The following NLGN4X variants were observed in gnomAD, a reference collection of about 807,000 sequenced individuals.
NLGN4X encodes the protein neuroligin-4, X-linked.
NLGN4X carries 3 observed loss-of-function variants against 40.3 expected under a neutral mutation model. The ratio of observed to expected loss-of-function variants is 0.07; its 90% CI spans 0.03 to 0.19. The LOEUF is 0.19. NLGN4X is among the 10% of genes least tolerant of loss of function. The probability of loss-of-function intolerance (pLI) is 1.00; values close to 1 mark genes in which losing one functional copy is unlikely to be tolerated. For synonymous variants in NLGN4X, 270 were observed against 306.8 expected, an observed-to-expected ratio of 0.88 and a Z score of 1.25; for missense variants, 382 against 708.3, an observed-to-expected ratio of 0.54 and a Z score of 5.23.
chrX:5,911,378 CAG>C (rs778251663), intron 3 of NLGN4X, among the ~76,000 whole-genome samples: 3 of 112,061 alleles, frequency 2.7e-5, no homozygotes, highest in East Asian at 2.8e-4. Context: ...CTAGCAAAAT[CAG>C]AGTGTTTTAA....
chrX:5,953,119 G>A (rs1451796201), intron 3 of NLGN4X, among the ~76,000 whole-genome samples: 4 of 111,033 alleles, frequency 3.6e-5, no homozygotes, highest in Non-Finnish European at 5.7e-5. Flanking sequence ...ACCTGTAATC[G>A]TTGCACTGTG....
chrX:6,036,244 G>T (rs1466416753), intron 2 of NLGN4X, among the ~76,000 whole-genome samples: 1 of 111,177 alleles, frequency 9.0e-6, no homozygotes, highest in Non-Finnish European at 1.9e-5. Context: ...GCCTTTCCAT[G>T]AAACTTTCCA....
intron 2 of NLGN4X, among the ~76,000 whole-genome samples, chrX:6,097,241 T>C (rs1448628335): frequency 8.5e-5 from 6 of 70,216 alleles, no homozygotes; most frequent in African/African-American, 2.7e-4. Context: ...CTTGGCTTTT[T>C]TTTTTTTTTC....
At chrX:5,991,557 G>T in intron 3 of NLGN4X, 1 of 498,994 alleles carries the variant, frequency 2.0e-6, no homozygotes, top group South Asian at 2.6e-5. Flanking sequence ...GTGAGGGCCT[G>T]ACATTCTCTT....
chrX:6,187,386 T>G (rs1301289475), intron 1 of NLGN4X: 1 of 106,270 alleles, frequency 9.4e-6, no homozygotes, highest in Non-Finnish European at 1.9e-5. Flanking sequence ...GGCCAGGGAA[T>G]GGCGTGAACC....
chrX:5,891,434 G>T lies in NLGN4X; in HGVS notation c.*1383C>A, dbSNP rs902345822. The T allele has an allele frequency of 4.2e-6, 1 of 240,215 alleles. No homozygotes were observed. The highest frequency in any genetic ancestry group is 7.6e-6 in the Non-Finnish European group (1 of 131,786). The allele number at this position is 240,215 out of a possible 1,213,427, so 19.8% of individuals were successfully genotyped here. A position where few individuals can be genotyped will look rare whatever the true frequency, so the allele number is the denominator to read the frequency against. On this transcript the variant is annotated 3_prime_UTR_variant, in exon 6 of 6. Coordinates refer to ENST00000381095, the MANE Select transcript of NLGN4X (RefSeq NM_181332.3). ...AAAGATTTTTAAAAACCTGCTTACT[G>T]ATAAATAAGGGACCGAGTGCTTAAA... is the stretch of plus-strand genomic sequence containing the variant.
intron 2 of NLGN4X, among the ~76,000 whole-genome samples, chrX:6,042,728 T>TACAC (rs202030040): frequency 0.019 from 541 of 29,206 alleles, 4 homozygotes; most frequent in African/African-American, 0.028. Flanking sequence ...TATATATATA[T>TACAC]ATACACACAC....
At chrX:6,182,921 T>G (rs761879522) in intron 1 of NLGN4X, among the ~76,000 whole-genome samples, 6 of 112,202 alleles carry the variant, frequency 5.3e-5, no homozygotes, top group Non-Finnish European at 1.1e-4. Context: ...TGTGATTATG[T>G]GTTACAGCTG....
intron 3 of NLGN4X, among the ~76,000 whole-genome samples, chrX:5,967,481 AGAGACCTCTTATAAAATCCT>A (rs1278079248): frequency 9.0e-6 from 1 of 110,776 alleles, no homozygotes; most frequent in African/African-American, 3.3e-5. Context: ...GCAGCACATG[AGAGACCTCTTATAAAATCCT>A]GAGACCACAA....
chrX:6,171,677 A>G (rs1569279719), intron 1 of NLGN4X, among the ~76,000 whole-genome samples: 1 of 109,277 alleles, frequency 9.2e-6, no homozygotes, highest in East Asian at 3.0e-4. Flanking sequence ...TAGAATTGTG[A>G]AAGTTTCTAT....
intron 3 of NLGN4X, among the ~76,000 whole-genome samples, chrX:5,992,611 AAAAAG>A (rs1256044089): frequency 7.2e-5 from 8 of 111,469 alleles, no homozygotes; most frequent in African/African-American, 2.3e-4. Context: ...TAGAAAAATA[AAAAAG>A]AAAAGAAAAG....
intron 3 of NLGN4X, among the ~76,000 whole-genome samples, chrX:6,021,004 C>CTTTCTT (rs796849645): frequency 3.3e-4 from 6 of 18,229 alleles, no homozygotes; most frequent in Admixed American, 8.8e-4. Context: ...TCCTTCTTTT[C>CTTTCTT]TCTCTCTCTC....
chrX:6,080,565 C>T (rs1254942283), intron 2 of NLGN4X, among the ~76,000 whole-genome samples: 1 of 111,757 alleles, frequency 8.9e-6, no homozygotes, highest in Non-Finnish European at 1.9e-5. Context: ...TGGGTTTTAA[C>T]TCTTACTATC....
chrX:5,926,934 T>TCCTA (rs1555921578), intron 3 of NLGN4X, among the ~76,000 whole-genome samples: 2 of 96,869 alleles, frequency 2.1e-5, no homozygotes, highest in Non-Finnish European at 4.1e-5. Flanking sequence ...TCTCTATATC[T>TCCTA]TCTATCTATC....
intron 3 of NLGN4X, among the ~76,000 whole-genome samples, chrX:5,950,086 G>C (rs1356512230): frequency 9.0e-6 from 1 of 111,705 alleles, no homozygotes; most frequent in East Asian, 2.8e-4. Flanking sequence ...TCCCTGAAAG[G>C]CAATAATCAA....
chrX:6,185,827 T>C (rs905077951), intron 1 of NLGN4X, among the ~76,000 whole-genome samples: 10 of 111,798 alleles, frequency 8.9e-5, no homozygotes, highest in African/African-American at 3.3e-4. Context: ...ATCCATCACT[T>C]GAGCAGCTAG....
At chrX:6,070,831 G>A (rs1434110955) in intron 2 of NLGN4X, among the ~76,000 whole-genome samples, 1 of 111,322 alleles carries the variant, frequency 9.0e-6, no homozygotes, top group Non-Finnish European at 1.9e-5. Flanking sequence ...TGCGAAGGAG[G>A]AACCTGCCAG....
At chrX:5,936,369 T>C (rs1447938780) in intron 3 of NLGN4X, among the ~76,000 whole-genome samples, 1 of 112,220 alleles carries the variant, frequency 8.9e-6, no homozygotes, top group Non-Finnish European at 1.9e-5. Flanking sequence ...TTATACGTGT[T>C]CTAATTTTTC....
intron 3 of NLGN4X, among the ~76,000 whole-genome samples, chrX:5,935,566 C>T (rs995905450): frequency 2.7e-5 from 3 of 111,866 alleles, no homozygotes; most frequent in Non-Finnish European, 3.8e-5. Context: ...CAAATATGCA[C>T]ATAAAATATG....
Sources: gnomAD v4.1 joint callset for allele counts (sites outside exome capture counted in the v4.1 genomes callset) on GRCh38, gnomAD v4.1.1 for gene constraint, MANE v1.5 for transcripts, NCBI Gene and HGNC (gene_info 2026-07-23, HGNC 2026-07-21) for gene names.